Variants in LMNTD1 observed in about 807,000 individuals in gnomAD.
LMNTD1 encodes lamin tail domain containing 1, also known as lamin tail domain-containing protein 1.
LMNTD1 carries 35 observed loss-of-function variants against 50.9 expected under a neutral mutation model. The ratio of observed to expected loss-of-function variants is 0.69; its 90% CI spans 0.53 to 0.91. LMNTD1 has a LOEUF of 0.91. Ranked by LOEUF, LMNTD1 falls within the 40% of genes least tolerant of loss-of-function variation. The pLI is 0.00. For missense variants in LMNTD1, 470 were observed against 475.5 expected (o/e 0.99, Z 0.11); for synonymous variants, 153 against 161.9 (o/e 0.94, Z 0.42).
chr12:25,573,275 A>T (rs183121205), intron 1 of LMNTD1, among the ~76,000 whole-genome samples: 18 of 152,214 alleles, frequency 1.2e-4, no homozygotes, highest in Non-Finnish European at 1.6e-4. Flanking sequence ...CTCTAGTCTA[A>T]CAATTCCAAT....
At chr12:25,527,641 T>C (rs1263526161) in intron 4 of LMNTD1, among the ~76,000 whole-genome samples, 2 of 39,064 alleles carry the variant, frequency 5.1e-5, no homozygotes, top group Admixed American at 2.9e-4. Flanking sequence ...TTAATAACAC[T>C]ATATATATAT....
chr12:25,569,816 G>A (rs1592039785), intron 1 of LMNTD1, among the ~76,000 whole-genome samples: 1 of 152,128 alleles, frequency 6.6e-6, no homozygotes, highest in East Asian at 1.9e-4. Context: ...AGTTCCCTGA[G>A]GCCCTCACCA....
intron 6 of LMNTD1, among the ~76,000 whole-genome samples, chr12:25,521,805 C>A (rs975637191): frequency 6.6e-6 from 1 of 152,130 alleles, no homozygotes; most frequent in South Asian, 2.1e-4. Context: ...CAAGAAAACA[C>A]GTTCTTCAGG....
At position 25,531,086 on chromosome 12, in the gene LMNTD1, CAGTT is replaced by C. The variant is rs534336574; in HGVS notation, c.492-4135_492-4132del. Among the ~76,000 whole-genome samples the C allele has an allele frequency of 3.9e-5, 6 of 152,250 alleles. No homozygotes were observed. In the South Asian group the frequency reaches 6.2e-4, roughly 16 times the overall value. ...GAAGCTAAGGGTGACTGCATGCTGA[CAGTT>C]AGTAAGGAAGTACTATCACAGCAAG... On this transcript the variant is annotated intron_variant, in intron 4 of 9. Coordinates refer to ENST00000458174, the MANE Select transcript of LMNTD1 (RefSeq NM_001145728.2).
At chr12:25,529,581 T>A (rs980627875) in intron 4 of LMNTD1, among the ~76,000 whole-genome samples, 7 of 152,184 alleles carry the variant, frequency 4.6e-5, no homozygotes, top group African/African-American at 1.7e-4. Context: ...TTCTTCCTCT[T>A]TAGTGGCATC....
intron 1 of LMNTD1, among the ~76,000 whole-genome samples, chr12:25,573,822 G>C (rs1944893541): frequency 6.6e-6 from 1 of 152,018 alleles, no homozygotes; most frequent in African/African-American, 2.4e-5. Flanking sequence ...CCTACCACAT[G>C]AGTCTCCCTG....
chr12:25,562,642 T>C (rs1452294910), intron 1 of LMNTD1, among the ~76,000 whole-genome samples: 1 of 152,196 alleles, frequency 6.6e-6, no homozygotes, highest in Non-Finnish European at 1.5e-5. Flanking sequence ...AGAAGTATCT[T>C]TGTGGCGTTC....
At chr12:25,624,869 C>T (rs2136576213) in intron 1 of LMNTD1, among the ~76,000 whole-genome samples, 1 of 152,296 alleles carries the variant, frequency 6.6e-6, no homozygotes, top group East Asian at 1.9e-4. Flanking sequence ...AAGGCAAATA[C>T]AAAAGCAAGT....
At chr12:25,562,623 C>T (rs935107959) in intron 1 of LMNTD1, among the ~76,000 whole-genome samples, 1 of 152,144 alleles carries the variant, frequency 6.6e-6, no homozygotes, top group Non-Finnish European at 1.5e-5. Context: ...TTGGAGTTGG[C>T]TCTTCTCGAG....
chr12:25,525,786 T>C (rs991130364), intron 6 of LMNTD1, among the ~76,000 whole-genome samples: 1 of 151,890 alleles, frequency 6.6e-6, no homozygotes, highest in African/African-American at 2.4e-5. Flanking sequence ...AGGCAACAAG[T>C]GGATAAAGAA....
chr12:25,593,473 G>A (rs188959833), intron 1 of LMNTD1, among the ~76,000 whole-genome samples: 47 of 152,218 alleles, frequency 3.1e-4, no homozygotes, highest in Middle Eastern at 3.4e-3. Context: ...AGTCACTACA[G>A]ATCAGCTCTC....
At chr12:25,493,035 C>T (rs1938936973) in intron 9 of LMNTD1, among the ~76,000 whole-genome samples, 1 of 152,176 alleles carries the variant, frequency 6.6e-6, no homozygotes, top group Non-Finnish European at 1.5e-5. Flanking sequence ...AAACATCTAG[C>T]CTGTCTCTTA....
chr12:25,603,290 T>C lies in LMNTD1; in HGVS notation c.58+45204A>G, dbSNP rs182176882. Among the ~76,000 whole-genome samples, 533 of 152,170 alleles carry C rather than the reference T, an allele frequency of 3.5e-3. 2 individuals are homozygous for C. Among genetic ancestry groups the C allele is most frequent in the Non-Finnish European group, 6.1e-3 (417 of 67,964 alleles). On this transcript the variant is annotated intron_variant, in intron 1 of 7. Transcript: ENST00000445693. ...ATATTGCAAAATGTTTGAAAAATAG[T>C]TATCTACCTTTTTTAAAAGATGGGA...
intron 8 of LMNTD1, among the ~76,000 whole-genome samples, chr12:25,505,155 C>G (rs1939650627): frequency 6.6e-6 from 1 of 151,984 alleles, no homozygotes; most frequent in African/African-American, 2.4e-5. Context: ...GTGGTGGTGT[C>G]TGTCTGTTTC....
At chr12:25,560,671 C>T (rs1944266895) in intron 1 of LMNTD1, among the ~76,000 whole-genome samples, 1 of 152,178 alleles carries the variant, frequency 6.6e-6, no homozygotes, top group African/African-American at 2.4e-5. Context: ...TCTTCCTATC[C>T]ATGAGCACCA....
At chr12:25,483,892 C>A (rs1025163888) in intron 9 of LMNTD1, among the ~76,000 whole-genome samples, 1 of 151,840 alleles carries the variant, frequency 6.6e-6, no homozygotes, top group East Asian at 1.9e-4. Flanking sequence ...AACACTTGGA[C>A]ATAAATAGTC....
chr12:25,503,323 G>A (rs1939491636), intron 9 of LMNTD1, among the ~76,000 whole-genome samples: 1 of 152,178 alleles, frequency 6.6e-6, no homozygotes, highest in Non-Finnish European at 1.5e-5. Context: ...CATTTAGCAA[G>A]TGAGAACAGC....
intron 1 of LMNTD1, among the ~76,000 whole-genome samples, chr12:25,642,488 C>T (rs1433235404): frequency 2.0e-5 from 3 of 152,142 alleles, no homozygotes; most frequent in African/African-American, 7.2e-5. Flanking sequence ...GACTTCCCAG[C>T]TTCCAGAACT....
chr12:25,553,336 A>G (rs1943885893), upstream of LMNTD1: 20 of 1,072,936 alleles, frequency 1.9e-5, no homozygotes, highest in Non-Finnish European at 2.2e-5. Context: ...TAATGTCTCC[A>G]TAGTAACCAA....
Sources: gnomAD v4.1 joint callset for allele counts (sites outside exome capture counted in the v4.1 genomes callset) on GRCh38, gnomAD v4.1.1 for gene constraint, MANE v1.5 for transcripts, NCBI Gene and HGNC (gene_info 2026-07-23, HGNC 2026-07-21) for gene names.